EIF2AK2: variants seen among roughly 807,000 people sequenced by gnomAD.
EIF2AK2 encodes interferon-induced, double-stranded RNA-activated protein kinase.
In EIF2AK2, 40 loss-of-function variants were observed where a neutral mutation model predicts 70.5. The observed-to-expected ratio is 0.57, with a 90% CI of 0.44 to 0.74. The LOEUF is 0.74. EIF2AK2 is among the 30% of genes least tolerant of loss of function. EIF2AK2 has a pLI of 0.00. For missense variants in EIF2AK2, 555 were observed against 644.3 expected, an observed-to-expected ratio of 0.86 and a Z score of 1.50; for synonymous variants, 198 against 220.9, an observed-to-expected ratio of 0.90 and a Z score of 0.92.
chr2:37,141,065 C>T lies in EIF2AK2; in HGVS notation c.389+488G>A, dbSNP rs189078142. 1.1e-4 allele frequency among the ~76,000 whole-genome samples: 16 copies of T among 152,300 alleles called. No homozygotes were observed. The East Asian group carries it at 2.5e-3, about 24-fold the overall frequency. On this transcript the variant is annotated intron_variant, in intron 5 of 16. Coordinates refer to ENST00000233057, the MANE Select transcript of EIF2AK2 (RefSeq NM_001135651.3). The stretch of plus-strand genomic sequence containing the variant: ...ATCAGATCCCTCAAATCCCGGTCTC[C>T]TCATAGTCTAGGGCTAAAGCTCATT...
chr2:37,108,146 CA>C (rs569711940), intron 15 of EIF2AK2, among the ~76,000 whole-genome samples: 2,125 of 116,998 alleles, frequency 0.018, 32 homozygotes, highest in African/African-American at 0.054. Flanking sequence ...AACTCTATCT[CA>C]AAAAAAAAAA....
At chr2:37,107,435 T>C (rs749753079) in intron 16 of EIF2AK2, 39 bp downstream of exon 16, 16 of 1,609,824 alleles carry the variant, frequency 9.9e-6, no homozygotes, top group Non-Finnish European at 3.4e-6. Context: ...AAATAAAACA[T>C]TGAAATAAAT....
chr2:37,151,765 A>T (rs1675749144), intron 1 of EIF2AK2, among the ~76,000 whole-genome samples: 1 of 152,252 alleles, frequency 6.6e-6, no homozygotes, highest in Non-Finnish European at 1.5e-5. Flanking sequence ...CACAAAAAAA[A>T]TGAAGTACTG....
intron 10 of EIF2AK2, 90 bp downstream of exon 10, chr2:37,135,394 G>A: frequency 9.7e-7 from 1 of 1,029,448 alleles, no homozygotes; most frequent in African/African-American, 1.6e-5. Context: ...ATTTTTAACT[G>A]ACAGGATCAT....
Position 37,141,718 on chromosome 2 carries a change from T to A in EIF2AK2, c.241-17A>T, listed in dbSNP as rs762576351. 2.5e-6 allele frequency: 4 copies of A among 1,588,582 alleles called. No homozygotes were observed. The African/African-American group carries it at 4.1e-5, about 16-fold the overall frequency. On this transcript the variant is annotated splice_polypyrimidine_tract_variant and intron_variant, in intron 4 of 16. Coordinates refer to ENST00000233057, the MANE Select transcript of EIF2AK2 (RefSeq NM_001135651.3). ...ACTAACTGCCTACAAAGAAAAAAAA[T>A]TCCTGTTTAATATAAATGACAACAA...
At chr2:37,148,557 T>G in intron 2 of EIF2AK2, 1 of 756,180 alleles carries the variant, frequency 1.3e-6, no homozygotes, top group South Asian at 1.4e-5. Context: ...GCAGTCCAGC[T>G]TCGTACTACA....
chr2:37,148,439 C>T, intron 2 of EIF2AK2: 1 of 385,154 alleles, frequency 2.6e-6, no homozygotes. Context: ...CTGCCGGAAG[C>T]CAGGCGGAGG....
At chr2:37,125,928 T>G (rs1674714038) in intron 11 of EIF2AK2, among the ~76,000 whole-genome samples, 1 of 152,210 alleles carries the variant, frequency 6.6e-6, no homozygotes, top group South Asian at 2.1e-4. Flanking sequence ...AAGGTAAGAC[T>G]AGAACATCTC....
intron 14 of EIF2AK2, among the ~76,000 whole-genome samples, chr2:37,112,047 T>C (rs1235006653): frequency 6.6e-6 from 1 of 151,294 alleles, no homozygotes; most frequent in Non-Finnish European, 1.5e-5. Context: ...ATTACTCTTC[T>C]CCACCCTCAT....
intron 1 of EIF2AK2, among the ~76,000 whole-genome samples, chr2:37,150,985 C>T (rs932607591): frequency 1.3e-5 from 2 of 152,074 alleles, no homozygotes; most frequent in East Asian, 3.8e-4. Flanking sequence ...CAAGCGAAAA[C>T]TATAAAACTC....
chr2:37,154,806 C>A (rs1275467285), intron 1 of EIF2AK2, among the ~76,000 whole-genome samples: 1 of 152,168 alleles, frequency 6.6e-6, no homozygotes, highest in Non-Finnish European at 1.5e-5. Flanking sequence ...AGGTGATCCA[C>A]CCACCTTGGC....
At chr2:37,142,347 G>A (rs1344571686) in intron 4 of EIF2AK2, among the ~76,000 whole-genome samples, 1 of 152,048 alleles carries the variant, frequency 6.6e-6, no homozygotes, top group African/African-American at 2.4e-5. Flanking sequence ...TGCCCAGGCT[G>A]TTCTCGAACT....
intron 1 of EIF2AK2, among the ~76,000 whole-genome samples, chr2:37,151,120 C>T (rs946459972): frequency 6.6e-6 from 1 of 152,004 alleles, no homozygotes; most frequent in Non-Finnish European, 1.5e-5. Context: ...AAATTTAAAA[C>T]GTTTGTGTAT....
At chr2:37,138,704 A>G in intron 6 of EIF2AK2, 119 bp from the exon 7 acceptor site, 1 of 779,886 alleles carries the variant, frequency 1.3e-6, no homozygotes, top group Non-Finnish European at 2.1e-6. Flanking sequence ...ACAACCATAA[A>G]CAATTACAAG....
chr2:37,124,304 C>G (rs1380824471), intron 11 of EIF2AK2, among the ~76,000 whole-genome samples: 1 of 151,910 alleles, frequency 6.6e-6, no homozygotes, highest in Non-Finnish European at 1.5e-5. Flanking sequence ...CTTTGTCGCC[C>G]AGGCTGGAGT....
At chr2:37,127,471 C>G (rs1207278856) in intron 10 of EIF2AK2, among the ~76,000 whole-genome samples, 2 of 152,322 alleles carry the variant, frequency 1.3e-5, no homozygotes, top group Non-Finnish European at 2.9e-5. Context: ...CCCTGCCTCC[C>G]TCAGCATCCT....
chr2:37,122,748 G>T, intron 11 of EIF2AK2, 84 bp from the exon 12 acceptor site: 1 of 1,523,960 alleles, frequency 6.6e-7, no homozygotes, highest in Non-Finnish European at 9.0e-7. Context: ...ATAGACAACT[G>T]TCTACATTCC....
intron 12 of EIF2AK2, among the ~76,000 whole-genome samples, chr2:37,120,664 T>C (rs1573008232): frequency 6.7e-6 from 1 of 150,120 alleles, no homozygotes; most frequent in Admixed American, 6.8e-5. Flanking sequence ...TTTAGCTAAT[T>C]TATAAAATAT....
At chr2:37,120,889 A>G (rs1027181083) in intron 12 of EIF2AK2, among the ~76,000 whole-genome samples, 2 of 148,800 alleles carry the variant, frequency 1.3e-5, no homozygotes, top group African/African-American at 4.9e-5. Context: ...ATTTGAACCC[A>G]GAAGGCAGAG....
Sources: gnomAD v4.1 joint callset for allele counts (sites outside exome capture counted in the v4.1 genomes callset) on GRCh38, gnomAD v4.1.1 for gene constraint, MANE v1.5 for transcripts, NCBI Gene and HGNC (gene_info 2026-07-23, HGNC 2026-07-21) for gene names.